The following NEGR1 variants were observed in gnomAD, a reference collection of about 807,000 sequenced individuals.
The protein encoded by NEGR1 is neuronal growth regulator 1.
A neutral mutation model predicts 40.9 loss-of-function variants in NEGR1; 10 were observed. That is an observed-to-expected ratio of 0.24 (90% CI 0.15 to 0.42). The LOEUF (loss-of-function observed/expected upper bound fraction) is 0.42, where lower values mean the gene tolerates loss of function less well. Ranked by LOEUF, NEGR1 falls within the 10% of genes least tolerant of loss-of-function variation. The pLI, the probability that NEGR1 is intolerant of heterozygous loss-of-function variation, is 1.00. For missense variants in NEGR1, 352 were observed against 438.9 expected (o/e 0.80, Z 1.77); for synonymous variants, 185 against 166.8 (o/e 1.11, Z -0.84).
chr1:72,174,271 T>C (rs1025861881), intron 1 of NEGR1, among the ~76,000 whole-genome samples: 1 of 152,140 alleles, frequency 6.6e-6, no homozygotes, highest in Non-Finnish European at 1.5e-5. Flanking sequence ...CACAGTCTCT[T>C]TTACTATCAA....
chr1:71,847,218 G>A (rs1193228108), intron 2 of NEGR1, among the ~76,000 whole-genome samples: 1 of 152,096 alleles, frequency 6.6e-6, no homozygotes, highest in Non-Finnish European at 1.5e-5. Flanking sequence ...GAGATGAACT[G>A]TTCAGACTGT....
At chr1:72,149,609 G>A (rs1196751546) in intron 1 of NEGR1, among the ~76,000 whole-genome samples, 2 of 152,006 alleles carry the variant, frequency 1.3e-5, no homozygotes, top group African/African-American at 2.4e-5. Context: ...TAGGCCGGGT[G>A]CAGTGGCTCA....
chr1:71,432,682 T>A (rs1646477760), intron 6 of NEGR1, among the ~76,000 whole-genome samples: 1 of 152,224 alleles, frequency 6.6e-6, no homozygotes, highest in Non-Finnish European at 1.5e-5. Flanking sequence ...ATCATTTCAA[T>A]TCCAAAGATA....
chr1:71,863,240 C>T (rs1660004624), intron 2 of NEGR1, among the ~76,000 whole-genome samples: 1 of 152,102 alleles, frequency 6.6e-6, no homozygotes, highest in Non-Finnish European at 1.5e-5. Flanking sequence ...AAATTTGGTA[C>T]ATATACACCA....
chr1:72,076,595 T>C (rs1647747817), intron 1 of NEGR1, among the ~76,000 whole-genome samples: 1 of 150,566 alleles, frequency 6.6e-6, no homozygotes. Flanking sequence ...CAGTATATCT[T>C]GATCTTCCAT....
intron 6 of NEGR1, among the ~76,000 whole-genome samples, chr1:71,473,502 CT>C (rs1411100183): frequency 6.6e-6 from 1 of 152,076 alleles, no homozygotes; most frequent in East Asian, 1.9e-4. Context: ...GCAACTTGAT[CT>C]TTTTTATGGA....
At chr1:72,143,883 CATAT>C (rs200866676) in intron 1 of NEGR1, among the ~76,000 whole-genome samples, 1 of 126,134 alleles carries the variant, frequency 7.9e-6, no homozygotes, top group South Asian at 2.3e-4. Flanking sequence ...ATCATATATT[CATAT>C]ATATATATTA....
At position 71,592,891 on chromosome 1, in the gene NEGR1, T is replaced by C; in HGVS notation, c.866A>G (p.Gln289Arg). The C allele has an allele frequency of 6.2e-7, 1 of 1,611,640 alleles. No homozygotes were observed. Among genetic ancestry groups the C allele is most frequent in the Non-Finnish European group, 8.5e-7 (1 of 1,177,786 alleles). Residue 289 changes from glutamine to arginine, a missense_variant, in exon 6 of 7, where the codon CAG (glutamine) becomes CGG (arginine). Gln to Arg is a conservative substitution (Grantham distance 43, BLOSUM62 1). Around this residue, in one of 5 missense-constraint regions of NEGR1, gnomAD observed 184 missense variants for 208.7 expected, o/e 0.88. Coordinates refer to ENST00000357731, the MANE Select transcript of NEGR1 (RefSeq NM_173808.3). The stretch of plus-strand genomic sequence containing the variant: ...ACAGGTATAATTGCCGAAGTGCTCC[T>C]GTGTCACGTTGGTAACAGTGAGAAT... ...RSILTVTNVT[Q>R]EHFGNYTCVA...
At chr1:72,044,104 C>G (rs1159530365) in intron 1 of NEGR1, among the ~76,000 whole-genome samples, 1 of 151,624 alleles carries the variant, frequency 6.6e-6, no homozygotes, top group Non-Finnish European at 1.5e-5. Flanking sequence ...ATCATTGAAG[C>G]CTCAAAAATA....
chr1:72,042,378 G>A (rs1012808556), intron 1 of NEGR1, among the ~76,000 whole-genome samples: 1 of 151,846 alleles, frequency 6.6e-6, no homozygotes, highest in African/African-American at 2.4e-5. Context: ...ACTATAGGAT[G>A]AGGGAAAGTC....
At chr1:71,465,792 G>A (rs895959891) in intron 6 of NEGR1, among the ~76,000 whole-genome samples, 1 of 152,026 alleles carries the variant, frequency 6.6e-6, no homozygotes, top group Non-Finnish European at 1.5e-5. Flanking sequence ...CTAATGGCAT[G>A]ATTGTAGCTG....
chr1:71,959,796 A>T (rs958373233), intron 1 of NEGR1, among the ~76,000 whole-genome samples: 1 of 152,098 alleles, frequency 6.6e-6, no homozygotes, highest in African/African-American at 2.4e-5. Context: ...TAATTATATT[A>T]TTATTTTTTC....
At chr1:71,559,600 T>C (rs973760128) in intron 6 of NEGR1, among the ~76,000 whole-genome samples, 1 of 151,576 alleles carries the variant, frequency 6.6e-6, no homozygotes, top group African/African-American at 2.4e-5. Context: ...ACATAGTTCT[T>C]TCACCCCAAA....
intron 6 of NEGR1, chr1:71,472,673 A>C (rs1340840515): frequency 6.6e-6 from 1 of 152,106 alleles, no homozygotes; most frequent in Non-Finnish European, 1.5e-5. Context: ...CTTACACTGT[A>C]TGATAGATGG....
At chr1:71,716,564 T>A (rs1309949545) in intron 3 of NEGR1, among the ~76,000 whole-genome samples, 2 of 152,280 alleles carry the variant, frequency 1.3e-5, no homozygotes, top group African/African-American at 4.8e-5. Flanking sequence ...ATGGTATTTT[T>A]ATTTGACAGT....
At chr1:72,060,879 T>C (rs1647161644) in intron 1 of NEGR1, among the ~76,000 whole-genome samples, 1 of 151,648 alleles carries the variant, frequency 6.6e-6, no homozygotes, top group African/African-American at 2.4e-5. Flanking sequence ...GGTAGTTTTT[T>C]TAGAGGTAGA....
At chr1:71,887,231 G>C (rs143228052) in intron 2 of NEGR1, among the ~76,000 whole-genome samples, 123 of 152,300 alleles carry the variant, frequency 8.1e-4, no homozygotes, top group African/African-American at 2.8e-3. Context: ...ACGTTGAGTA[G>C]GCTGAGGAGG....
chr1:71,780,907 A>G (rs1006534500), intron 2 of NEGR1, among the ~76,000 whole-genome samples: 2 of 152,202 alleles, frequency 1.3e-5, no homozygotes, highest in African/African-American at 4.8e-5. Context: ...CAGGCCAGGT[A>G]TGAGTCACTT....
chr1:71,845,422 C>T (rs1001674630), intron 2 of NEGR1, among the ~76,000 whole-genome samples: 2 of 151,930 alleles, frequency 1.3e-5, no homozygotes, highest in African/African-American at 4.8e-5. Flanking sequence ...GAAACAAAGT[C>T]CCACATAATG....
Sources: allele counts gnomAD v4.1 joint callset (sites outside exome capture counted in the v4.1 genomes callset), GRCh38; gene constraint gnomAD v4.1.1; regional missense constraint gnomAD v4.1.1; transcripts MANE v1.5; gene names NCBI Gene and HGNC (gene_info 2026-07-23, HGNC 2026-07-21).